STK3: variants seen among roughly 807,000 people sequenced by gnomAD.
STK3 encodes serine/threonine-protein kinase 3.
Under a neutral mutation model 58.0 loss-of-function variants are expected in STK3, and 41 were observed. The observed-to-expected ratio is 0.71, with a 90% confidence interval of 0.55 to 0.92. The LOEUF is 0.92. Among genes scored for constraint, STK3 ranks in the 40% least tolerant of loss-of-function variants. STK3 has a pLI of 0.00. For missense variants in STK3, 479 were observed against 602.7 expected (o/e 0.79, Z 2.15); for synonymous variants, 170 against 191.0 (o/e 0.89, Z 0.91).
chr8:98,711,749 G>T (rs1008507822), intron 4 of STK3, among the ~76,000 whole-genome samples: 2 of 152,128 alleles, frequency 1.3e-5, no homozygotes, highest in Admixed American at 1.3e-4. Flanking sequence ...ACCTACCAAG[G>T]CAGGCTACCA....
chr8:98,887,780 A>T (rs1183163241), intron 1 of STK3, among the ~76,000 whole-genome samples: 1 of 152,226 alleles, frequency 6.6e-6, no homozygotes, highest in Non-Finnish European at 1.5e-5. Flanking sequence ...AGCAGTCAGC[A>T]GGGATGACTC....
At chr8:98,732,380 G>GA (rs1049878184) in intron 4 of STK3, among the ~76,000 whole-genome samples, 3 of 151,992 alleles carry the variant, frequency 2.0e-5, no homozygotes, top group Non-Finnish European at 4.4e-5. Context: ...TCCAGAGGGG[G>GA]AAAAAACCTA....
rs144187919 is a variant in STK3 at position 98,691,654 on chromosome 8, C to T, written c.684+14813G>A. Among the ~76,000 whole-genome samples the T allele has an allele frequency of 2.8e-4, 42 of 152,080 alleles. No individual in the cohort carries two copies. In the East Asian group the frequency reaches 7.9e-3, roughly 29 times the overall value. On this transcript the variant is annotated intron_variant, in intron 6 of 10. Coordinates refer to ENST00000419617, the MANE Select transcript of STK3 (RefSeq NM_006281.4). ...AATTTAAAAATGGGCAAAGCAGCACCGGGCGCAGTGGCTCAAAACCTGTAA... is the reference window on the plus strand; with the variant it reads ...AATTTAAAAATGGGCAAAGCAGCACTGGGCGCAGTGGCTCAAAACCTGTAA...
chr8:98,522,286 T>C (rs989663741), intron 10 of STK3, among the ~76,000 whole-genome samples: 2 of 152,202 alleles, frequency 1.3e-5, no homozygotes, highest in Non-Finnish European at 2.9e-5. Flanking sequence ...TAATGAACTC[T>C]GATTTCCTAA....
intron 10 of STK3, among the ~76,000 whole-genome samples, chr8:98,474,756 C>CT (rs1327433942): frequency 9.9e-5 from 15 of 152,136 alleles, no homozygotes; most frequent in Admixed American, 9.8e-4. Context: ...TACTGAGTTA[C>CT]TTTTTTCTCC....
chr8:98,347,599 C>A, the STK3 span, among the ~76,000 whole-genome samples: 1 of 151,418 alleles, frequency 6.6e-6, no homozygotes, highest in African/African-American at 2.4e-5. Context: ...CAAAGGACAG[C>A]TGGGACAAAT....
At chr8:98,712,205 T>C (rs1826523794) in intron 4 of STK3, among the ~76,000 whole-genome samples, 1 of 152,192 alleles carries the variant, frequency 6.6e-6, no homozygotes, top group Admixed American at 6.5e-5. Context: ...CCATGAATGC[T>C]AGGAAGAAAC....
intron 1 of STK3, among the ~76,000 whole-genome samples, chr8:98,900,606 T>C (rs973056486): frequency 1.3e-5 from 2 of 152,152 alleles, no homozygotes; most frequent in African/African-American, 4.8e-5. Context: ...TATATTTTCT[T>C]CTGCTGTTTT....
intron 1 of STK3, among the ~76,000 whole-genome samples, chr8:98,789,317 CACAG>C (rs1406590652): frequency 6.6e-6 from 1 of 151,888 alleles, no homozygotes; most frequent in African/African-American, 2.4e-5. Context: ...TCTGAAAGAG[CACAG>C]ACAATCTAAG....
At chr8:98,646,654 C>A (rs559355224) in intron 6 of STK3, among the ~76,000 whole-genome samples, 84 of 152,130 alleles carry the variant, frequency 5.5e-4, no homozygotes, top group Non-Finnish European at 6.0e-4. Flanking sequence ...CTCCCTCTGT[C>A]CCTCTCAATT....
intron 10 of STK3, among the ~76,000 whole-genome samples, chr8:98,501,579 G>A (rs1823601652): frequency 1.3e-5 from 2 of 152,162 alleles, no homozygotes; most frequent in Admixed American, 6.5e-5. Flanking sequence ...ATTAACTTTT[G>A]TATAAGGTGT....
chr8:98,738,621 G>A (rs1183155823), intron 4 of STK3, among the ~76,000 whole-genome samples: 1 of 152,244 alleles, frequency 6.6e-6, no homozygotes, highest in Non-Finnish European at 1.5e-5. Flanking sequence ...CAAGATGGCT[G>A]AATAGGAACA....
intron 6 of STK3, among the ~76,000 whole-genome samples, chr8:98,668,105 T>C (rs1365108611): frequency 6.6e-6 from 1 of 152,152 alleles, no homozygotes; most frequent in African/African-American, 2.4e-5. Flanking sequence ...ATAGGTAATA[T>C]TGCAGATTGG....
chr8:98,688,079 G>A (rs903573025), intron 6 of STK3, among the ~76,000 whole-genome samples: 1 of 150,286 alleles, frequency 6.7e-6, no homozygotes, highest in African/African-American at 2.4e-5. Flanking sequence ...TAAATGAATG[G>A]AGAAAGATCA....
At chr8:98,532,720 TACC>T (rs1245802084) in intron 9 of STK3, among the ~76,000 whole-genome samples, 2 of 152,156 alleles carry the variant, frequency 1.3e-5, no homozygotes, top group African/African-American at 4.8e-5. Flanking sequence ...ATATGTATTT[TACC>T]ACAATAAAAA....
rs367602086 is a variant in STK3 at position 98,920,562 on chromosome 8, G to A, written c.-79+21816C>T. 1.0e-4 allele frequency among the ~76,000 whole-genome samples: 16 copies of A among 152,382 alleles called. No individual in the cohort carries two copies. The East Asian group carries it at 2.7e-3, about 26-fold the overall frequency. ...GGCCTTTTATGTTGCCACAAGTGGT[G>A]CAGCCGTTGTTTGGACCTGGCGGAG... On this transcript the variant is annotated intron_variant, in intron 1 of 1. Transcript: ENST00000519420.
intron 1 of STK3, among the ~76,000 whole-genome samples, chr8:98,903,559 T>TCTTCTTCCTCTTC (rs1234506460): frequency 1.1e-5 from 1 of 87,180 alleles, no homozygotes; most frequent in African/African-American, 5.0e-5. Flanking sequence ...TCTTCTTCCT[T>TCTTCTTCCTCTTC]TTTTTTTTTT....
At chr8:98,680,088 T>C (rs1823518380) in intron 6 of STK3, among the ~76,000 whole-genome samples, 2 of 152,222 alleles carry the variant, frequency 1.3e-5, no homozygotes, top group South Asian at 4.1e-4. Flanking sequence ...TGAAACTGGA[T>C]ATATAACTTT....
chr8:98,489,848 T>C (rs921995288), intron 10 of STK3, among the ~76,000 whole-genome samples: 3 of 152,210 alleles, frequency 2.0e-5, no homozygotes, highest in Admixed American at 2.0e-4. Context: ...TTTACAAAAG[T>C]GTGTTTGGTT....
Sources: gnomAD v4.1 joint callset for allele counts (sites outside exome capture counted in the v4.1 genomes callset) on GRCh38, gnomAD v4.1.1 for gene constraint, MANE v1.5 for transcripts, NCBI Gene and HGNC (gene_info 2026-07-23, HGNC 2026-07-21) for gene names.